MYO3A: variants seen among roughly 807,000 people sequenced by gnomAD.
MYO3A encodes the protein myosin-IIIa.
Under a neutral mutation model 192.7 loss-of-function variants are expected in MYO3A, and 180 were observed. The ratio of observed to expected loss-of-function variants is 0.93; its 90% CI spans 0.83 to 1.06. MYO3A has a LOEUF of 1.06. MYO3A is among the 50% of genes least tolerant of loss of function. The pLI is 0.00. For synonymous variants in MYO3A, 628 were observed against 645.3 expected (o/e 0.97, Z 0.41); for missense variants, 1,896 against 1,905.0 (o/e 1.00, Z 0.09).
intron 4 of MYO3A, among the ~76,000 whole-genome samples, chr10:25,983,767 G>T (rs1839480498): frequency 6.6e-6 from 1 of 152,148 alleles, no homozygotes; most frequent in Non-Finnish European, 1.5e-5. Context: ...GAGAACACCT[G>T]GGAAAATCAT....
intron 10 of MYO3A, among the ~76,000 whole-genome samples, chr10:26,041,945 C>T (rs1276361113): frequency 6.6e-6 from 1 of 152,068 alleles, no homozygotes; most frequent in Non-Finnish European, 1.5e-5. Flanking sequence ...TCTTATTGCT[C>T]ATTAAAATAC....
chr10:25,992,654 A>G (rs973139920), intron 4 of MYO3A, among the ~76,000 whole-genome samples: 3 of 152,088 alleles, frequency 2.0e-5, no homozygotes, highest in Non-Finnish European at 4.4e-5. Flanking sequence ...GTTTGTCATA[A>G]ATAGCTCATT....
At chr10:26,168,683 G>A (rs749923540) in intron 27 of MYO3A, 29 bp from the exon 28 acceptor site, 2 of 1,600,590 alleles carry the variant, frequency 1.2e-6, no homozygotes, top group Non-Finnish European at 1.7e-6. Context: ...GTGTGCCATG[G>A]TTCTTTGTAT....
At chr10:26,094,889 T>C (rs1381739341) in intron 15 of MYO3A, among the ~76,000 whole-genome samples, 2 of 152,224 alleles carry the variant, frequency 1.3e-5, no homozygotes, top group Admixed American at 1.3e-4. Flanking sequence ...TGGGCTTTTT[T>C]CCGTTCCATG....
chr10:25,974,506 C>T (rs569599667), intron 4 of MYO3A, among the ~76,000 whole-genome samples: 2 of 152,128 alleles, frequency 1.3e-5, no homozygotes, highest in African/African-American at 2.4e-5. Context: ...TTCTTATGAC[C>T]TGCCTCTCCC....
intron 10 of MYO3A, among the ~76,000 whole-genome samples, chr10:26,032,595 G>A (rs1347952329): frequency 9.3e-5 from 14 of 151,342 alleles, no homozygotes; most frequent in Admixed American, 7.9e-4. Context: ...CAGCCCGGGC[G>A]ACAGTGTGAG....
rs570603059 is a variant in MYO3A, at chr10:26,212,302, C to T, written c.*339C>T. The T allele has an allele frequency of 1.2e-5, 5 of 403,344 alleles. No homozygotes were observed. Among genetic ancestry groups the T allele is most frequent in the African/African-American group, 6.1e-5 (3 of 49,024 alleles). The allele number at this position is 403,344 out of a possible 1,614,324, so 25.0% of individuals were successfully genotyped here. A position where few individuals can be genotyped will look rare whatever the true frequency, so the allele number is the denominator to read the frequency against. ...TGTGACTCCTGTGGACTCCACTGCG[C>T]CTGGGATCTCGCCAACCCCTCTCTC... On this transcript the variant is annotated 3_prime_UTR_variant, in exon 35 of 35. Transcript: ENST00000642920.
intron 4 of MYO3A, among the ~76,000 whole-genome samples, chr10:25,990,627 C>T (rs1189578948): frequency 2.0e-5 from 3 of 151,722 alleles, no homozygotes; most frequent in South Asian, 2.1e-4. Context: ...TCGTCATTTA[C>T]ATTAGGTATA....
intron 4 of MYO3A, among the ~76,000 whole-genome samples, chr10:25,984,058 C>T (rs897644807): frequency 8.5e-5 from 13 of 152,278 alleles, no homozygotes; most frequent in Middle Eastern, 3.4e-3. Flanking sequence ...CAAACAAATA[C>T]TGAGAGAGTT....
At chr10:26,016,963 A>T in intron 7 of MYO3A, 67 bp downstream of exon 7, 1 of 1,406,894 alleles carries the variant, frequency 7.1e-7, no homozygotes, top group South Asian at 1.2e-5. Flanking sequence ...TTTTATGTGT[A>T]CTCTATCTCT....
intron 26 of MYO3A, among the ~76,000 whole-genome samples, chr10:26,159,531 C>G (rs1350073939): frequency 1.3e-5 from 2 of 151,024 alleles, no homozygotes; most frequent in Admixed American, 6.6e-5. Flanking sequence ...AGGTGCCCAC[C>G]ACCACGCCCG....
chr10:25,987,256 T>C (rs574680292), intron 4 of MYO3A, among the ~76,000 whole-genome samples: 86 of 152,226 alleles, frequency 5.6e-4, no homozygotes, highest in African/African-American at 2.0e-3. Context: ...TCCATAAAGA[T>C]TCTAGAAAAT....
At chr10:26,121,433 T>G (rs1405526224) in intron 18 of MYO3A, among the ~76,000 whole-genome samples, 1 of 152,144 alleles carries the variant, frequency 6.6e-6, no homozygotes, top group African/African-American at 2.4e-5. Context: ...AATTGCATAT[T>G]TGCTGTTTCA....
chr10:25,967,547 A>C (rs923606843), intron 4 of MYO3A, among the ~76,000 whole-genome samples: 1 of 152,362 alleles, frequency 6.6e-6, no homozygotes, highest in Admixed American at 6.5e-5. Context: ...CACTAAGAAT[A>C]TCCAGCTCCA....
chr10:25,960,734 T>C (rs1466503300), intron 4 of MYO3A, among the ~76,000 whole-genome samples: 1 of 152,106 alleles, frequency 6.6e-6, no homozygotes, highest in Non-Finnish European at 1.5e-5. Context: ...GAGGATGATC[T>C]TGCTGTCTCA....
chr10:26,053,213 C>T (rs1364873500), intron 10 of MYO3A, among the ~76,000 whole-genome samples: 1 of 152,070 alleles, frequency 6.6e-6, no homozygotes, highest in South Asian at 2.1e-4. Context: ...TGTGTATATA[C>T]ACATATACAT....
rs1031885642 is a variant in MYO3A, at chr10:25,961,634, G to A, written c.303+6626G>A. Among the ~76,000 whole-genome samples, 38 of 151,956 alleles carry A rather than the reference G, an allele frequency of 2.5e-4. 1 individual carries two copies. Among genetic ancestry groups the A allele is most frequent in the Admixed American group, 2.6e-4 (4 of 15,250 alleles). On this transcript the variant is annotated intron_variant, in intron 4 of 34. Transcript: ENST00000642920. Reference sequence around the variant, plus strand: ...CTGATCTACTTGAATTTACAAAGTGGAGGGAAAAAAAAGGCTAAGGAAAGC... The same window carrying A: ...CTGATCTACTTGAATTTACAAAGTGAAGGGAAAAAAAAGGCTAAGGAAAGC...
At chr10:26,136,131 C>T (rs1020331650) in intron 20 of MYO3A, among the ~76,000 whole-genome samples, 1 of 152,112 alleles carries the variant, frequency 6.6e-6, no homozygotes, top group Non-Finnish European at 1.5e-5. Context: ...AAGACAGCAT[C>T]ACAAACCCAG....
At chr10:25,951,774 G>A (rs960805992) in intron 2 of MYO3A, among the ~76,000 whole-genome samples, 5 of 152,070 alleles carry the variant, frequency 3.3e-5, no homozygotes, top group Non-Finnish European at 5.9e-5. Flanking sequence ...TTGATTTGTT[G>A]TGATACATGA....
Sources: gnomAD v4.1 joint callset for allele counts (sites outside exome capture counted in the v4.1 genomes callset) on GRCh38, gnomAD v4.1.1 for gene constraint, MANE v1.5 for transcripts, NCBI Gene and HGNC (gene_info 2026-07-23, HGNC 2026-07-21) for gene names.